The following LRRC3 variants were observed in gnomAD, a reference collection of about 807,000 sequenced individuals.
The protein encoded by LRRC3 is leucine rich repeat containing 3.
For synonymous variants in LRRC3, 172 were observed against 164.1 expected, an observed-to-expected ratio of 1.05 and a Z score of -0.37; for missense variants, 351 against 361.6, an observed-to-expected ratio of 0.97 and a Z score of 0.24.
In LRRC3 at chr21:44,457,659, C is replaced by T. The variant is rs1250791888; in HGVS notation, c.*241C>T. The T allele has an allele frequency of 1.0e-4, 56 of 549,878 alleles. No homozygotes were observed. Among genetic ancestry groups the T allele is most frequent in the East Asian group, 3.8e-4 (12 of 31,306 alleles). 34.1% of individuals were successfully genotyped at this position (549,878 alleles called of 1,614,324 possible). ...CGTGACGATACCATCAGGAAATTAT[C>T]CCAGTGGAACTTCAACCCGGGCTGT... is the stretch of plus-strand genomic sequence containing the variant. On this transcript the variant is annotated 3_prime_UTR_variant, in exon 2 of 2. Coordinates refer to ENST00000291592, the MANE Select transcript of LRRC3 (RefSeq NM_030891.6).
chr21:44,457,345 G>A lies in LRRC3; in HGVS notation c.701G>A (p.Arg234Gln), dbSNP rs148872771. The change falls in exon 2 of 2, where the codon CGG (arginine) becomes CAG (glutamine). Residue 234 changes from arginine (R) to glutamine (Q), a missense_variant. Arg to Gln is a conservative substitution (Grantham distance 43, BLOSUM62 1). Coordinates refer to ENST00000291592, the MANE Select transcript of LRRC3 (RefSeq NM_030891.6). The stretch of plus-strand genomic sequence containing the variant: ...GTGCGCCACAACCAGGAGGATGCCC[G>A]GAGGCACCTGGAGTACCTGAAGTCT... Reference protein sequence around the residue: ...YYVRHNQEDARRHLEYLKSLP... With the variant: ...YYVRHNQEDAQRHLEYLKSLP... 4.0e-4 allele frequency: 652 copies of A among 1,611,596 alleles called. 1 individual carries two copies. Among genetic ancestry groups the A allele is most frequent in the Non-Finnish European group, 4.2e-4 (494 of 1,178,570 alleles).
In LRRC3 at chr21:44,456,316, T is replaced by C. The variant is rs75688403; in HGVS notation, c.-147-182T>C. Reference sequence around the variant, plus strand: ...TTGTGGGACGCTCCTCCCGGGCGCATTGGGAGTCTCCAGAAGTAAGTTACA... The same window carrying C: ...TTGTGGGACGCTCCTCCCGGGCGCACTGGGAGTCTCCAGAAGTAAGTTACA... On this transcript the variant is annotated intron_variant, in intron 1 of 1. Transcript: ENST00000291592. Among the ~76,000 whole-genome samples, 1,421 of 152,236 alleles carry C rather than the reference T, an allele frequency of 9.3e-3. 18 individuals are homozygous for C. The highest frequency in any genetic ancestry group is 0.033 in the African/African-American group (1,360 of 41,550).
At position 44,461,007 on chromosome 21, in the gene LRRC3, C is replaced by T. The variant is rs2051742029; in HGVS notation, c.*3589C>T. On this transcript the variant is annotated 3_prime_UTR_variant, in exon 2 of 2. Transcript: ENST00000291592. ...CCTAGGAGAGGAGCCCAGGCCGGGCCCTCTCCCTGCTGGTTTCCTGTTGGG... is the reference window on the plus strand; with the variant it reads ...CCTAGGAGAGGAGCCCAGGCCGGGCTCTCTCCCTGCTGGTTTCCTGTTGGG... The T allele has an allele frequency of 1.3e-5, 2 of 152,408 alleles. No homozygotes were observed. Among genetic ancestry groups the T allele is most frequent in the Admixed American group, 6.5e-5 (1 of 15,286 alleles). The allele number at this position is 152,408 out of a possible 1,614,324, so 9.4% of individuals were successfully genotyped here. A position where few individuals can be genotyped will look rare whatever the true frequency, so the allele number is the denominator to read the frequency against.
At position 44,456,670 on chromosome 21, in the gene LRRC3, C is replaced by T. The variant is rs750774218; in HGVS notation, c.26C>T (p.Pro9Leu). The change falls in exon 2 of 2, where the codon CCC becomes CTC. Residue 9 changes from proline to leucine, a missense_variant. Transcript: ENST00000291592. ...ATGGGCACCGTGCGCCCACCTCGCC[C>T]CTCGCTCCTGCTGGTCTCCACCCGG... MGTVRPPRPSLLLVSTRES... is the reference protein window; with the variant it reads MGTVRPPRLSLLLVSTRES... 3.1e-6 allele frequency: 5 copies of T among 1,603,410 alleles called. No individual in the cohort carries two copies. In the East Asian group the frequency reaches 6.7e-5, roughly 22 times the overall value.
chr21:44,456,530 G>A lies in LRRC3; in HGVS notation c.-115G>A, dbSNP rs2051700992. 1.8e-6 allele frequency: 2 copies of A among 1,132,154 alleles called. No homozygotes were observed. Among genetic ancestry groups the A allele is most frequent in the East Asian group, 4.8e-5 (2 of 41,996 alleles). The allele number at this position is 1,132,154 out of a possible 1,614,324, so 70.1% of individuals were successfully genotyped here. ...AGAGTGGACTGCACTGCTTCTCCCA[G>A]CGGGGCAGGATGGCGGTTTCATGTC... is the stretch of plus-strand genomic sequence containing the variant. On this transcript the variant is annotated 5_prime_UTR_variant, in exon 2 of 2. Coordinates refer to ENST00000291592, the MANE Select transcript of LRRC3 (RefSeq NM_030891.6).
rs925411123 is a variant in LRRC3, at chr21:44,461,862, A to G, written c.*4444A>G. ...GCTGGGAGGCAGCTGGCCCCACAGC[A>G]CATAGCACGGAGGGCGGCGCGGAGT... On this transcript the variant is annotated 3_prime_UTR_variant, in exon 2 of 2. Transcript: ENST00000291592. The G allele has an allele frequency of 6.6e-6, 1 of 152,546 alleles. No homozygotes were observed. The highest frequency in any genetic ancestry group is 1.5e-5 in the Non-Finnish European group (1 of 68,298). 9.4% of individuals were successfully genotyped at this position (152,546 alleles called of 1,614,324 possible).
rs139733091 is a variant in LRRC3, at chr21:44,456,806, C to G, written c.162C>G (p.Gly54=). The G allele has an allele frequency of 1.6e-4, 261 of 1,611,810 alleles. No individual in the cohort carries two copies. The highest frequency in any genetic ancestry group is 1.5e-3 in the Admixed American group (89 of 60,012). ...TGGCTGTCTTCTGCAGCTTGCGGGG[C>G]CTTCAGGAGGTCCCCGAGGACATCC... The part of the protein sequence containing the change: ...GAVAVFCSLR[G]LQEVPEDIPA... Residue 54 remains glycine, a synonymous_variant, in exon 2 of 2, where the codon GGC becomes GGG. Coordinates refer to ENST00000291592, the MANE Select transcript of LRRC3 (RefSeq NM_030891.6).
Position 44,457,515 on chromosome 21 carries a change from G to T in LRRC3, c.*97G>T. 7.4e-7 allele frequency: 1 copy of T among 1,343,168 alleles called. No individual in the cohort carries two copies. The highest frequency in any genetic ancestry group is 1.0e-6 in the Non-Finnish European group (1 of 991,738). The allele number at this position is 1,343,168 out of a possible 1,614,324, so 83.2% of individuals were successfully genotyped here. ...GCTCTTCCCTGAGGCAGGTGTCACA[G>T]CCATGTGTGCTCCCCACTGTTGCAC... is the stretch of plus-strand genomic sequence containing the variant. On this transcript the variant is annotated 3_prime_UTR_variant, in exon 2 of 2. Transcript: ENST00000291592.
Position 44,457,170 on chromosome 21 carries a change from G to T in LRRC3, c.526G>T (p.Val176Leu), listed in dbSNP as rs758729596. Residue 176 changes from valine (V) to leucine (L), a missense_variant, in exon 2 of 2, where the codon GTG becomes TTG. Physicochemically the swap from Val to Leu is conservative, Grantham distance 32 (BLOSUM62 1). Coordinates refer to ENST00000291592, the MANE Select transcript of LRRC3 (RefSeq NM_030891.6). ...GGACGAGATCGCCTGCCACACCTCA[G>T]TGCAGGAGGAGTTTGTGGGGAAGCC... ...SVDEIACHTS[V>L]QEEFVGKPLV... 1 of 1,613,808 alleles carries T rather than the reference G, an allele frequency of 6.2e-7. No individual in the cohort carries two copies. The highest frequency in any genetic ancestry group is 1.1e-5 in the South Asian group (1 of 91,086).
Position 44,459,293 on chromosome 21 carries a change from G to A in LRRC3, c.*1875G>A, listed in dbSNP as rs1355891406. The A allele has an allele frequency of 6.6e-6, 1 of 152,376 alleles. No individual in the cohort carries two copies. Among genetic ancestry groups the A allele is most frequent in the African/African-American group, 2.4e-5 (1 of 41,468 alleles). 9.4% of individuals were successfully genotyped at this position (152,376 alleles called of 1,614,324 possible). On this transcript the variant is annotated 3_prime_UTR_variant, in exon 2 of 2. Coordinates refer to ENST00000291592, the MANE Select transcript of LRRC3 (RefSeq NM_030891.6). ...GGGTGTCCAGCTCCACTGTTTGGAG[G>A]AAGTGGGCGCTGACACAGCAGAGTG...
chr21:44,457,076 C>A lies in LRRC3; in HGVS notation c.432C>A (p.His144Gln). Residue 144 changes from histidine to glutamine, a missense_variant, in exon 2 of 2, where the codon CAC becomes CAA. His to Gln is a conservative substitution (Grantham distance 24, BLOSUM62 0). Transcript: ENST00000291592. Reference protein sequence around the residue: ...GKLSAKIRLSHNPLHCECALQ... With the variant: ...GKLSAKIRLSQNPLHCECALQ... ...TCAGCGCCAAGATACGCCTGTCCCA[C>A]AACCCCCTGCACTGCGAGTGCGCCC... 2 of 1,609,278 alleles carry A rather than the reference C, an allele frequency of 1.2e-6. No individual in the cohort carries two copies. The highest frequency in any genetic ancestry group is 1.7e-6 in the Non-Finnish European group (2 of 1,179,800).
At position 44,457,065 on chromosome 21, in the gene LRRC3, C is replaced by A; in HGVS notation, c.421C>A (p.Arg141Ser). The stretch of plus-strand genomic sequence containing the variant: ...CCTGGGCAAACTCAGCGCCAAGATA[C>A]GCCTGTCCCACAACCCCCTGCACTG... ...DALGKLSAKIRLSHNPLHCEC... is the reference protein window; with the variant it reads ...DALGKLSAKISLSHNPLHCEC... Residue 141 changes from arginine (R) to serine (S), a missense_variant, in exon 2 of 2, where the codon CGC (arginine) becomes AGC (serine). By Grantham distance (110) the Arg-to-Ser change is moderately radical. Coordinates refer to ENST00000291592, the MANE Select transcript of LRRC3 (RefSeq NM_030891.6). 6.2e-7 allele frequency: 1 copy of A among 1,608,106 alleles called. No homozygotes were observed. The highest frequency in any genetic ancestry group is 2.2e-5 in the East Asian group (1 of 44,872).
In LRRC3 at chr21:44,456,649, G is replaced by T; in HGVS notation, c.5G>T (p.Gly2Val). 1 of 1,591,198 alleles carries T rather than the reference G, an allele frequency of 6.3e-7. No individual in the cohort carries two copies. The highest frequency in any genetic ancestry group is 8.6e-7 in the Non-Finnish European group (1 of 1,169,566). Reference sequence around the variant, plus strand: ...CCGTCCCCAGGTCAGGTCAGGATGGGCACCGTGCGCCCACCTCGCCCCTCG... The same window carrying T: ...CCGTCCCCAGGTCAGGTCAGGATGGTCACCGTGCGCCCACCTCGCCCCTCG... M[G>V]TVRPPRPSLL... The change falls in exon 2 of 2, where the codon GGC becomes GTC. Residue 2 changes from glycine to valine, a missense_variant. Gly to Val is a moderately radical substitution (Grantham distance 109). Coordinates refer to ENST00000291592, the MANE Select transcript of LRRC3 (RefSeq NM_030891.6).
chr21:44,457,074 C>T lies in LRRC3; in HGVS notation c.430C>T (p.His144Tyr), dbSNP rs1246526098. The T allele has an allele frequency of 6.2e-7, 1 of 1,609,160 alleles. No individual in the cohort carries two copies. The highest frequency in any genetic ancestry group is 8.5e-7 in the Non-Finnish European group (1 of 1,179,802). ...GKLSAKIRLSHNPLHCECALQ... is the reference protein window; with the variant it reads ...GKLSAKIRLSYNPLHCECALQ... ...ACTCAGCGCCAAGATACGCCTGTCC[C>T]ACAACCCCCTGCACTGCGAGTGCGC... Residue 144 changes from histidine (H) to tyrosine (Y), a missense_variant, in exon 2 of 2, where the codon CAC becomes TAC. His to Tyr is a moderately conservative substitution (Grantham distance 83, BLOSUM62 2). Transcript: ENST00000291592.
Position 44,456,536 on chromosome 21 carries a change from C to A in LRRC3, c.-109C>A. The A allele has an allele frequency of 8.5e-7, 1 of 1,176,630 alleles. No homozygotes were observed. Among genetic ancestry groups the A allele is most frequent in the Non-Finnish European group, 1.2e-6 (1 of 836,378 alleles). The allele number at this position is 1,176,630 out of a possible 1,614,324, so 72.9% of individuals were successfully genotyped here. A position where few individuals can be genotyped will look rare whatever the true frequency, so the allele number is the denominator to read the frequency against. ...GACTGCACTGCTTCTCCCAGCGGGG[C>A]AGGATGGCGGTTTCATGTCTGGTTG... On this transcript the variant is annotated 5_prime_UTR_variant, in exon 2 of 2. Coordinates refer to ENST00000291592, the MANE Select transcript of LRRC3 (RefSeq NM_030891.6).
chr21:44,456,703 G>T lies in LRRC3; in HGVS notation c.59G>T (p.Cys20Phe), dbSNP rs1272621485. The T allele has an allele frequency of 3.1e-6, 5 of 1,609,386 alleles. No individual in the cohort carries two copies. The highest frequency in any genetic ancestry group is 2.7e-5 in the African/African-American group (2 of 74,884). ...CTGCTGGTCTCCACCCGGGAGTCTTGTCTCTTCCTCCTCTTCTGCCTGCAC... is the reference window on the plus strand; with the variant it reads ...CTGCTGGTCTCCACCCGGGAGTCTTTTCTCTTCCTCCTCTTCTGCCTGCAC... ...SLLLVSTRES[C>F]LFLLFCLHLG... The change falls in exon 2 of 2, where the codon TGT becomes TTT. Residue 20 changes from cysteine to phenylalanine, a missense_variant. Coordinates refer to ENST00000291592, the MANE Select transcript of LRRC3 (RefSeq NM_030891.6).
Position 44,456,496 on chromosome 21 carries a change from A to G in LRRC3, c.-147-2A>G. 1.2e-6 allele frequency: 1 copy of G among 833,434 alleles called. No homozygotes were observed. Among genetic ancestry groups the G allele is most frequent in the Non-Finnish European group, 1.9e-6 (1 of 536,750 alleles). 51.6% of individuals were successfully genotyped at this position (833,434 alleles called of 1,614,324 possible). A position where few individuals can be genotyped will look rare whatever the true frequency, so the allele number is the denominator to read the frequency against. On this transcript the variant is annotated splice_acceptor_variant, in intron 1 of 1. Transcript: ENST00000291592. LOFTEE classifies it low-confidence loss of function (5UTR_SPLICE). ...CGCTCCCTCCTGCGTCTTCCCTTTC[A>G]GAGCTGCCAGAGTGGACTGCACTGC... is the stretch of plus-strand genomic sequence containing the variant.
chr21:44,457,585 C>A lies in LRRC3; in HGVS notation c.*167C>A. The A allele has an allele frequency of 1.4e-6, 1 of 699,442 alleles. No homozygotes were observed. The highest frequency in any genetic ancestry group is 2.9e-5 in the East Asian group (1 of 34,688). The allele number at this position is 699,442 out of a possible 1,614,324, so 43.3% of individuals were successfully genotyped here. A position where few individuals can be genotyped will look rare whatever the true frequency, so the allele number is the denominator to read the frequency against. ...CAGGCTGGGTGGTTTTGCCACACAT[C>A]CGTGTGACGGATGAGGAACCTGAAG... On this transcript the variant is annotated 3_prime_UTR_variant, in exon 2 of 2. Transcript: ENST00000291592.
At position 44,457,429 on chromosome 21, in the gene LRRC3, G is replaced by A. The variant is rs1046465838; in HGVS notation, c.*11G>A. Reference sequence around the variant, plus strand: ...GGCCCGGGGCCCTAGCGCCTGTTCCGGCAGACCCCCGCCGGTGGCTGCTGT... The same window carrying A: ...GGCCCGGGGCCCTAGCGCCTGTTCCAGCAGACCCCCGCCGGTGGCTGCTGT... On this transcript the variant is annotated 3_prime_UTR_variant, in exon 2 of 2. Coordinates refer to ENST00000291592, the MANE Select transcript of LRRC3 (RefSeq NM_030891.6). The A allele has an allele frequency of 6.4e-6, 10 of 1,554,956 alleles. No homozygotes were observed. Among genetic ancestry groups the A allele is most frequent in the Admixed American group, 3.7e-5 (2 of 53,478 alleles).
Sources: allele counts gnomAD v4.1 joint callset (sites outside exome capture counted in the v4.1 genomes callset), GRCh38; gene constraint gnomAD v4.1.1; transcripts MANE v1.5; gene names NCBI Gene and HGNC (gene_info 2026-07-23, HGNC 2026-07-21).